The following TBC1D14 variants were observed in gnomAD, a reference collection of about 807,000 sequenced individuals.
TBC1D14 encodes TBC1 domain family member 14, also known as TBC1 domain family, member 14.
A neutral mutation model predicts 79.0 loss-of-function variants in TBC1D14; 26 were observed. That is an observed-to-expected ratio of 0.33 (90% CI 0.24 to 0.46). TBC1D14 has a LOEUF of 0.46. Ranked by LOEUF, TBC1D14 falls within the 20% of genes least tolerant of loss-of-function variation. TBC1D14 has a pLI of 1.00. For synonymous variants in TBC1D14, 394 were observed against 349.9 expected, an observed-to-expected ratio of 1.13 and a Z score of -1.40; for missense variants, 769 against 887.6, an observed-to-expected ratio of 0.87 and a Z score of 1.70.
At chr4:6,909,811 G>T (rs1305937016), upstream of TBC1D14, 2 of 148,440 alleles carry the variant, frequency 1.3e-5, no homozygotes, top group Non-Finnish European at 3.0e-5. Flanking sequence ...TGTTCGCCGC[G>T]GGCTGCTCGC....
chr4:6,948,130 T>C (rs1713660808), intron 2 of TBC1D14, among the ~76,000 whole-genome samples: 1 of 152,162 alleles, frequency 6.6e-6, no homozygotes, highest in Non-Finnish European at 1.5e-5. Flanking sequence ...ATTGAAATTT[T>C]ATGTAAAGGA....
chr4:7,026,389 C>T (rs759709293), intron 13 of TBC1D14, among the ~76,000 whole-genome samples: 4 of 152,112 alleles, frequency 2.6e-5, no homozygotes, highest in Non-Finnish European at 4.4e-5. Context: ...ACTGCAATAC[C>T]GTTACCACTC....
At position 7,032,642 on chromosome 4, in the gene TBC1D14, G is replaced by A. The variant is rs1221973024; in HGVS notation, c.*2250G>A. ...CTGGGTCCTCTTCAGAGGCCAGAAAGTTCTAAGTTCTGAGTCCCCGGCCAG... is the reference window on the plus strand; with the variant it reads ...CTGGGTCCTCTTCAGAGGCCAGAAAATTCTAAGTTCTGAGTCCCCGGCCAG... On this transcript the variant is annotated 3_prime_UTR_variant, in exon 14 of 14. Coordinates refer to ENST00000409757, the MANE Select transcript of TBC1D14 (RefSeq NM_020773.3). 1 of 152,274 alleles carries A rather than the reference G, an allele frequency of 6.6e-6. No homozygotes were observed. Among genetic ancestry groups the A allele is most frequent in the Admixed American group, 6.5e-5 (1 of 15,288 alleles). The allele number at this position is 152,274 out of a possible 1,614,324, so 9.4% of individuals were successfully genotyped here.
At chr4:6,993,083 C>T (rs1286808151) in intron 3 of TBC1D14, among the ~76,000 whole-genome samples, 2 of 152,178 alleles carry the variant, frequency 1.3e-5, no homozygotes, top group African/African-American at 4.8e-5. Context: ...ACCAGTAACA[C>T]GCCTCTTGAC....
chr4:6,950,006 A>T (rs1326081832), intron 2 of TBC1D14, among the ~76,000 whole-genome samples: 1 of 152,070 alleles, frequency 6.6e-6, no homozygotes, highest in African/African-American at 2.4e-5. Flanking sequence ...TCAACCTGTT[A>T]TCTGGGTTTC....
chr4:7,027,568 A>G (rs1424964225), intron 13 of TBC1D14, among the ~76,000 whole-genome samples: 1 of 141,068 alleles, frequency 7.1e-6, no homozygotes, highest in Admixed American at 7.1e-5. Flanking sequence ...CAATCACCCG[A>G]CACGCACATC....
rs144386520 is a variant in TBC1D14, at chr4:6,932,224, G to A, written c.722+8113G>A. ...AAAATACAAAAATTAGCTGGGTGTG[G>A]TGGCATGCACCTGTAATCCCAGCTA... On this transcript the variant is annotated intron_variant, in intron 2 of 13. Transcript: ENST00000409757. Among the ~76,000 whole-genome samples the A allele has an allele frequency of 3.5e-3, 540 of 152,160 alleles. 12 individuals carry two copies. Among genetic ancestry groups the A allele is most frequent in the Middle Eastern group, 6.8e-3 (2 of 294 alleles).
chr4:6,996,038 A>G (rs568262650), intron 4 of TBC1D14, among the ~76,000 whole-genome samples: 83 of 132,786 alleles, frequency 6.3e-4, no homozygotes, highest in African/African-American at 2.2e-3. Flanking sequence ...GGGTTTCACC[A>G]TGTTAGCCAG....
chr4:7,015,346 C>A (rs1265919360), intron 12 of TBC1D14, among the ~76,000 whole-genome samples: 1 of 152,136 alleles, frequency 6.6e-6, no homozygotes, highest in East Asian at 1.9e-4. Context: ...GTCAGAGAAT[C>A]ATGGTCAGCT....
chr4:7,024,969 T>G, intron 12 of TBC1D14, 35 bp from the exon 13 acceptor site: 2 of 1,609,426 alleles, frequency 1.2e-6, no homozygotes, highest in South Asian at 1.1e-5. Context: ...TAGGAGAGAT[T>G]CAAAATCTGA....
At chr4:7,006,114 C>CAGAT (rs910013856) in intron 8 of TBC1D14, among the ~76,000 whole-genome samples, 7 of 152,058 alleles carry the variant, frequency 4.6e-5, no homozygotes, top group African/African-American at 1.7e-4. Flanking sequence ...CTGAGGTGGG[C>CAGAT]AGATAAGGCC....
intron 3 of TBC1D14, among the ~76,000 whole-genome samples, chr4:6,975,285 T>G (rs1208284705): frequency 2.0e-5 from 3 of 152,184 alleles, no homozygotes; most frequent in Non-Finnish European, 4.4e-5. Flanking sequence ...CTCAGCTCAC[T>G]GCAACATCTG....
chr4:6,923,832 T>C lies in TBC1D14; in HGVS notation c.443T>C (p.Leu148Pro). The C allele has an allele frequency of 6.2e-7, 1 of 1,614,186 alleles. No individual in the cohort carries two copies. The highest frequency in any genetic ancestry group is 1.3e-5 in the African/African-American group (1 of 75,072). ...CTCTATAGCCCGACCTCCAAAGCCC[T>C]GACCCGCAGCGATGATGTCTCCGTC... ...VKLYSPTSKA[L>P]TRSDDVSVCS... The change falls in exon 2 of 14, where the codon CTG (leucine) becomes CCG (proline). Residue 148 changes from leucine to proline, a missense_variant. Physicochemically the swap from Leu to Pro is moderately conservative, Grantham distance 98. Around this residue, in one of 2 missense-constraint regions of TBC1D14, gnomAD observed 402 missense variants for 393.2 expected, o/e 1.02. Coordinates refer to ENST00000409757, the MANE Select transcript of TBC1D14 (RefSeq NM_020773.3).
At chr4:6,936,157 C>G (rs1712303384) in intron 2 of TBC1D14, among the ~76,000 whole-genome samples, 2 of 152,216 alleles carry the variant, frequency 1.3e-5, no homozygotes, top group Admixed American at 1.3e-4. Context: ...GCTGACACAT[C>G]ATTATCACCA....
Position 6,998,828 on chromosome 4 carries a change from C to T in TBC1D14, c.1046-257C>T, listed in dbSNP as rs554309753. 26 of 357,330 alleles carry T rather than the reference C, an allele frequency of 7.3e-5. 1 individual carries two copies. Among genetic ancestry groups the T allele is most frequent in the South Asian group, 3.1e-4 (11 of 35,228 alleles). The allele number at this position is 357,330 out of a possible 1,614,324, so 22.1% of individuals were successfully genotyped here. A position where few individuals can be genotyped will look rare whatever the true frequency, so the allele number is the denominator to read the frequency against. Reference sequence around the variant, plus strand: ...TGCTGGGATTACAGGCGTGAGCCACCGCGCCTGGCCAACTGAATCGTATTC... The same window carrying T: ...TGCTGGGATTACAGGCGTGAGCCACTGCGCCTGGCCAACTGAATCGTATTC... On this transcript the variant is annotated intron_variant, in intron 5 of 13. Coordinates refer to ENST00000409757, the MANE Select transcript of TBC1D14 (RefSeq NM_020773.3).
At chr4:6,969,434 C>T (rs1716022176) in intron 3 of TBC1D14, among the ~76,000 whole-genome samples, 1 of 151,652 alleles carries the variant, frequency 6.6e-6, no homozygotes, top group African/African-American at 2.4e-5. Context: ...GAGACGGAGT[C>T]TCACTCTGTC....
chr4:6,958,376 T>TATACACACACACACACACACACACACAC (rs538972596), intron 2 of TBC1D14, among the ~76,000 whole-genome samples: 335 of 149,202 alleles, frequency 2.2e-3, no homozygotes, highest in African/African-American at 7.3e-3. Context: ...TCCCCACATA[T>TATACACACACACACACACACACACACAC]ACACACACAC....
rs144795768 is a variant in TBC1D14 at position 6,923,814 on chromosome 4, G to T, written c.425G>T (p.Ser142Ile). 6.2e-7 allele frequency: 1 copy of T among 1,614,154 alleles called. No individual in the cohort carries two copies. Residue 142 changes from serine (S) to isoleucine (I), a missense_variant, in exon 2 of 14, where the codon AGC becomes ATC. Physicochemically the swap from Ser to Ile is moderately radical, Grantham distance 142. Coordinates refer to ENST00000409757, the MANE Select transcript of TBC1D14 (RefSeq NM_020773.3). ...RTGYDSVKLY[S>I]PTSKALTRSD... ...GGCTATGACTCGGTAAAGCTCTATAGCCCGACCTCCAAAGCCCTGACCCGC... is the reference window on the plus strand; with the variant it reads ...GGCTATGACTCGGTAAAGCTCTATATCCCGACCTCCAAAGCCCTGACCCGC...
At chr4:6,974,043 C>G (rs1049468429) in intron 3 of TBC1D14, among the ~76,000 whole-genome samples, 2 of 152,044 alleles carry the variant, frequency 1.3e-5, no homozygotes, top group African/African-American at 4.8e-5. Context: ...AGGCTGGTCT[C>G]GAACTCCTGA....
Sources: allele counts gnomAD v4.1 joint callset (sites outside exome capture counted in the v4.1 genomes callset), GRCh38; gene constraint gnomAD v4.1.1; regional missense constraint gnomAD v4.1.1; transcripts MANE v1.5; gene names NCBI Gene and HGNC (gene_info 2026-07-23, HGNC 2026-07-21).